Variants in STARD13 observed in about 807,000 individuals in gnomAD.
STARD13 encodes the protein StAR related lipid transfer domain containing 13.
STARD13 carries 62 observed loss-of-function variants against 106.4 expected under a neutral mutation model. That is an observed-to-expected ratio of 0.58 (90% CI 0.48 to 0.72). STARD13 has a LOEUF of 0.72. Among genes scored for constraint, STARD13 ranks in the 30% least tolerant of loss-of-function variants. The pLI, the probability that STARD13 is intolerant of heterozygous loss-of-function variation, is 0.00. For synonymous variants in STARD13, 565 were observed against 553.0 expected (o/e 1.02, Z -0.31); for missense variants, 1,387 against 1,424.0 (o/e 0.97, Z 0.42).
chr13:33,619,178 G>A, the STARD13 span, among the ~76,000 whole-genome samples: 1 of 152,134 alleles, frequency 6.6e-6, no homozygotes, highest in African/African-American at 2.4e-5. Flanking sequence ...CCTCAGATAA[G>A]GGACCTAACT....
intron 4 of STARD13, among the ~76,000 whole-genome samples, chr13:33,134,191 T>A (rs1220114021): frequency 6.7e-6 from 1 of 150,296 alleles, no homozygotes; most frequent in Non-Finnish European, 1.5e-5. Context: ...CGGGGTCCAA[T>A]CTTTTGGCTT....
chr13:33,598,479 T>C, the STARD13 span, among the ~76,000 whole-genome samples: 1 of 152,328 alleles, frequency 6.6e-6, no homozygotes, highest in Non-Finnish European at 1.5e-5. Flanking sequence ...TTATTACAGT[T>C]ATTTGTTTAT....
intron 1 of STARD13, among the ~76,000 whole-genome samples, chr13:33,312,140 A>G (rs1217575303): frequency 1.3e-5 from 2 of 152,256 alleles, no homozygotes; most frequent in African/African-American, 2.4e-5. Context: ...AGTAACATGT[A>G]ATCAACAAAC....
chr13:33,544,768 CTCT>C, the STARD13 span, among the ~76,000 whole-genome samples: 872 of 131,764 alleles, frequency 6.6e-3, 20 homozygotes, highest in African/African-American at 0.022. Flanking sequence ...GTTGTTTTTT[CTCT>C]TTTTTTTTTT....
At chr13:33,599,384 C>G in the STARD13 span, among the ~76,000 whole-genome samples, 1 of 152,190 alleles carries the variant, frequency 6.6e-6, no homozygotes, top group Non-Finnish European at 1.5e-5. Flanking sequence ...AACACCATAA[C>G]AACAATCTTT....
At chr13:33,586,443 G>T in the STARD13 span, among the ~76,000 whole-genome samples, 13 of 152,148 alleles carry the variant, frequency 8.5e-5, no homozygotes, top group Admixed American at 2.0e-4. Flanking sequence ...TTTTGGTGAT[G>T]GTTGACATTC....
chr13:33,230,439 C>G (rs1373391709), intron 1 of STARD13, among the ~76,000 whole-genome samples: 1 of 152,214 alleles, frequency 6.6e-6, no homozygotes, highest in Non-Finnish European at 1.5e-5. Flanking sequence ...TGAACACTGC[C>G]TCCAACATTA....
the STARD13 span, among the ~76,000 whole-genome samples, chr13:33,554,630 G>T: frequency 6.6e-6 from 1 of 152,154 alleles, no homozygotes; most frequent in East Asian, 1.9e-4. Context: ...TATTTTTTAC[G>T]TGTTATAAAT....
the STARD13 span, among the ~76,000 whole-genome samples, chr13:33,419,701 C>A: frequency 6.6e-6 from 1 of 152,136 alleles, no homozygotes; most frequent in African/African-American, 2.4e-5. Context: ...TAAAAGCAGC[C>A]AGAGAGAAAG....
chr13:33,328,450 T>C (rs1328950538), intron 1 of STARD13, among the ~76,000 whole-genome samples: 1 of 152,268 alleles, frequency 6.6e-6, no homozygotes, highest in East Asian at 1.9e-4. Context: ...GCACAGTCTC[T>C]GTGCTAAAAC....
At chr13:33,548,187 A>G in the STARD13 span, among the ~76,000 whole-genome samples, 9 of 152,224 alleles carry the variant, frequency 5.9e-5, no homozygotes, top group South Asian at 2.1e-4. Flanking sequence ...GCAGTGATAT[A>G]CCATAGAAAA....
At chr13:33,420,714 C>T in the STARD13 span, among the ~76,000 whole-genome samples, 69 of 152,304 alleles carry the variant, frequency 4.5e-4, no homozygotes, top group African/African-American at 1.4e-3. Flanking sequence ...GTAAAGCACT[C>T]CTCAGCAAAT....
the STARD13 span, among the ~76,000 whole-genome samples, chr13:33,527,756 T>C: frequency 6.6e-6 from 1 of 151,812 alleles, no homozygotes; most frequent in Non-Finnish European, 1.5e-5. Flanking sequence ...AAATTTTATA[T>C]AATATTTAAA....
chr13:33,124,932 AC>A (rs1341476318), intron 7 of STARD13, among the ~76,000 whole-genome samples: 3 of 152,080 alleles, frequency 2.0e-5, no homozygotes, highest in African/African-American at 7.2e-5. Context: ...CAGCCATCCC[AC>A]CCTCTGCGAT....
At chr13:33,615,598 C>T in the STARD13 span, among the ~76,000 whole-genome samples, 14 of 152,222 alleles carry the variant, frequency 9.2e-5, no homozygotes, top group East Asian at 5.8e-4. Flanking sequence ...CACCTGTTAC[C>T]GAGAAGAAAC....
At chr13:33,497,053 A>G in the STARD13 span, among the ~76,000 whole-genome samples, 1 of 152,146 alleles carries the variant, frequency 6.6e-6, no homozygotes, top group Admixed American at 6.6e-5. Flanking sequence ...CAAGGAAAAT[A>G]GACCTTGGGT....
the STARD13 span, among the ~76,000 whole-genome samples, chr13:33,588,512 A>G: frequency 6.6e-6 from 1 of 152,200 alleles, no homozygotes; most frequent in African/African-American, 2.4e-5. Flanking sequence ...GCATTCCTAA[A>G]AGAGATTTGG....
At chr13:33,319,054 C>T (rs549839196) in intron 1 of STARD13, among the ~76,000 whole-genome samples, 4 of 152,256 alleles carry the variant, frequency 2.6e-5, no homozygotes, top group Admixed American at 2.0e-4. Context: ...TAGATCTACA[C>T]CCAAGAAAAT....
chr13:33,324,718 A>G (rs539179586), intron 1 of STARD13, among the ~76,000 whole-genome samples: 2 of 152,186 alleles, frequency 1.3e-5, no homozygotes, highest in Non-Finnish European at 2.9e-5. Context: ...TAGCATTTGT[A>G]TGTTTTTGAA....
Sources: gnomAD v4.1 joint callset for allele counts (sites outside exome capture counted in the v4.1 genomes callset) on GRCh38, gnomAD v4.1.1 for gene constraint, MANE v1.5 for transcripts, NCBI Gene and HGNC (gene_info 2026-07-23, HGNC 2026-07-21) for gene names.